PSD3: variants seen among roughly 807,000 people sequenced by gnomAD.
PSD3 encodes the protein PH and SEC7 domain-containing protein 3.
A neutral mutation model predicts 105.5 loss-of-function variants in PSD3; 49 were observed. The ratio of observed to expected loss-of-function variants is 0.46; its 90% CI spans 0.37 to 0.59. The LOEUF is 0.59. PSD3 is among the 20% of genes least tolerant of loss of function. The pLI is 0.00. For synonymous variants in PSD3, 557 were observed against 457.8 expected (o/e 1.22, Z -2.77); for missense variants, 1,561 against 1,263.8 (o/e 1.24, Z -3.57).
At chr8:18,685,907 GAC>G (rs1333358273) in intron 9 of PSD3, among the ~76,000 whole-genome samples, 1 of 152,122 alleles carries the variant, frequency 6.6e-6, no homozygotes, top group Non-Finnish European at 1.5e-5. Context: ...TGGGGATAAA[GAC>G]AGTGCACGGG....
intron 9 of PSD3, among the ~76,000 whole-genome samples, chr8:18,681,909 G>A (rs775577550): frequency 1.3e-5 from 2 of 151,402 alleles, no homozygotes; most frequent in African/African-American, 2.4e-5. Flanking sequence ...CTTAAAAACC[G>A]ACTATAATCT....
At chr8:18,711,443 A>C (rs1802249992) in intron 9 of PSD3, among the ~76,000 whole-genome samples, 1 of 152,246 alleles carries the variant, frequency 6.6e-6, no homozygotes, top group African/African-American at 2.4e-5. Flanking sequence ...AGGGAGGAAA[A>C]GCACATGGAA....
chr8:18,819,784 G>C (rs184011223), intron 4 of PSD3, among the ~76,000 whole-genome samples: 69 of 152,048 alleles, frequency 4.5e-4, no homozygotes, highest in Middle Eastern at 3.4e-3. Context: ...TCACCGTGTT[G>C]GCCAGGATGA....
At chr8:18,612,155 A>AT (rs1805313252) in intron 11 of PSD3, among the ~76,000 whole-genome samples, 1 of 143,212 alleles carries the variant, frequency 7.0e-6, no homozygotes, top group Admixed American at 6.9e-5. Flanking sequence ...ATCCTACTAA[A>AT]TTTCTTTGTT....
At chr8:18,572,405 C>G in intron 14 of PSD3, 123 bp downstream of exon 14, 1 of 1,185,230 alleles carries the variant, frequency 8.4e-7, no homozygotes, top group South Asian at 1.5e-5. Context: ...ATATGATACG[C>G]TCTCACAGGG....
intron 9 of PSD3, among the ~76,000 whole-genome samples, chr8:18,674,113 T>G (rs1244060190): frequency 6.6e-6 from 1 of 151,658 alleles, no homozygotes; most frequent in South Asian, 2.1e-4. Context: ...GCCACTGCAG[T>G]CCAGACTGGA....
intron 12 of PSD3, among the ~76,000 whole-genome samples, chr8:18,590,957 T>C (rs993212812): frequency 2.0e-5 from 3 of 152,166 alleles, no homozygotes; most frequent in Non-Finnish European, 4.4e-5. Flanking sequence ...TATACTATGA[T>C]TCCACATAGA....
chr8:18,855,756 G>A (rs1815959673), intron 4 of PSD3, among the ~76,000 whole-genome samples: 1 of 152,210 alleles, frequency 6.6e-6, no homozygotes, highest in African/African-American at 2.4e-5. Context: ...AACATCAGCA[G>A]CTCATGGTTA....
intron 1 of PSD3, among the ~76,000 whole-genome samples, chr8:19,045,479 AC>A (rs2129476853): frequency 6.6e-6 from 1 of 152,316 alleles, no homozygotes; most frequent in South Asian, 2.1e-4. Flanking sequence ...TCTTTCCTGG[AC>A]AAACAATAAG....
At chr8:18,565,923 C>A (rs550551043) in intron 14 of PSD3, among the ~76,000 whole-genome samples, 19 of 152,178 alleles carry the variant, frequency 1.2e-4, no homozygotes, top group African/African-American at 4.3e-4. Flanking sequence ...GCTAAACATC[C>A]TACAATTCAC....
chr8:18,863,501 C>T (rs1472826067), intron 4 of PSD3, among the ~76,000 whole-genome samples: 1 of 152,174 alleles, frequency 6.6e-6, no homozygotes, highest in Non-Finnish European at 1.5e-5. Flanking sequence ...AGAGGCTGAG[C>T]TGTTTCCGGC....
chr8:18,587,416 A>C (rs1442017404), intron 12 of PSD3, among the ~76,000 whole-genome samples: 1 of 126,992 alleles, frequency 7.9e-6, no homozygotes, highest in Non-Finnish European at 1.8e-5. Context: ...CATCATTTGA[A>C]ACATAATTTT....
intron 4 of PSD3, among the ~76,000 whole-genome samples, chr8:18,853,574 G>A (rs1815762988): frequency 6.6e-6 from 1 of 152,052 alleles, no homozygotes; most frequent in African/African-American, 2.4e-5. Flanking sequence ...CTTTTCATTA[G>A]ATAACTGGTT....
chr8:18,998,661 C>T (rs368373531), intron 1 of PSD3, among the ~76,000 whole-genome samples: 3 of 151,694 alleles, frequency 2.0e-5, no homozygotes, highest in Admixed American at 2.0e-4. Context: ...CACTCCAGCC[C>T]GAGCAACAGA....
chr8:18,847,624 A>C (rs1195387701), intron 4 of PSD3, among the ~76,000 whole-genome samples: 1 of 152,226 alleles, frequency 6.6e-6, no homozygotes, highest in Non-Finnish European at 1.5e-5. Context: ...CAGAGGTGGA[A>C]TACACCATGT....
intron 10 of PSD3, among the ~76,000 whole-genome samples, chr8:18,641,364 G>A (rs1215132288): frequency 2.0e-5 from 3 of 152,156 alleles, no homozygotes; most frequent in Admixed American, 2.0e-4. Context: ...GTGCTAGGCA[G>A]TCCTGATATC....
At chr8:19,045,043 A>C (rs1828262259) in intron 1 of PSD3, among the ~76,000 whole-genome samples, 1 of 152,010 alleles carries the variant, frequency 6.6e-6, no homozygotes, top group African/African-American at 2.4e-5. Flanking sequence ...AAATTAGCTG[A>C]GTGTGGTGGT....
intron 9 of PSD3, among the ~76,000 whole-genome samples, chr8:18,714,084 A>G (rs1453522117): frequency 2.0e-5 from 3 of 152,226 alleles, no homozygotes; most frequent in Non-Finnish European, 4.4e-5. Context: ...CCATATGCAT[A>G]AAATTGAAAC....
Position 18,727,747 on chromosome 8 carries a change from T to C in PSD3, c.2172+37702A>G, listed in dbSNP as rs1256798068. On this transcript the variant is annotated intron_variant, in intron 9 of 15. Coordinates refer to ENST00000327040, the MANE Select transcript of PSD3 (RefSeq NM_015310.4). ...ATACCAGTTACAGACGAAAAGTCTC[T>C]TTTGCTCAGAAGTTATTTATACTTC... Among the ~76,000 whole-genome samples the C allele has an allele frequency of 2.6e-5, 4 of 152,078 alleles. No individual in the cohort carries two copies. In the East Asian group the frequency reaches 5.8e-4, roughly 22 times the overall value.
Sources: allele counts gnomAD v4.1 joint callset (sites outside exome capture counted in the v4.1 genomes callset), GRCh38; gene constraint gnomAD v4.1.1; transcripts MANE v1.5; gene names NCBI Gene and HGNC (gene_info 2026-07-23, HGNC 2026-07-21).